PRKD1: variants seen among roughly 807,000 people sequenced by gnomAD.
PRKD1 encodes the protein protein kinase D1, also known as serine/threonine-protein kinase D1.
In PRKD1, 63 loss-of-function variants were observed where a neutral mutation model predicts 95.9. The ratio of observed to expected loss-of-function variants is 0.66; its 90% CI spans 0.54 to 0.81. The LOEUF (loss-of-function observed/expected upper bound fraction) is 0.81, where lower values mean the gene tolerates loss of function less well. Among genes scored for constraint, PRKD1 ranks in the 30% least tolerant of loss-of-function variants. PRKD1 has a pLI of 0.00. For synonymous variants in PRKD1, 425 were observed against 423.1 expected (o/e 1.00, Z -0.05); for missense variants, 1,048 against 1,165.3 (o/e 0.90, Z 1.47).
intron 1 of PRKD1, among the ~76,000 whole-genome samples, chr14:29,737,505 G>T (rs973863535): frequency 6.6e-6 from 1 of 152,068 alleles, no homozygotes; most frequent in African/African-American, 2.4e-5. Flanking sequence ...CATTTTCCAA[G>T]AACTCTTCCT....
intron 4 of PRKD1, chr14:29,656,598 T>G (rs1350130280): frequency 7.5e-7 from 1 of 1,333,278 alleles, no homozygotes; most frequent in Non-Finnish European, 1.0e-6. Context: ...GCAAAGCACA[T>G]TACTCAATAA....
intron 1 of PRKD1, among the ~76,000 whole-genome samples, chr14:29,825,508 G>T (rs1179504897): frequency 2.1e-5 from 3 of 144,352 alleles, no homozygotes; most frequent in Non-Finnish European, 4.7e-5. Context: ...TTTCAGTGGG[G>T]TCGAAGATGT....
chr14:29,818,891 G>C (rs964100166), intron 1 of PRKD1, among the ~76,000 whole-genome samples: 1 of 151,762 alleles, frequency 6.6e-6, no homozygotes, highest in Non-Finnish European at 1.5e-5. Flanking sequence ...AGATATACTA[G>C]ATATAGTAAT....
intron 2 of PRKD1, among the ~76,000 whole-genome samples, chr14:29,721,913 G>A (rs934905367): frequency 6.6e-6 from 1 of 151,812 alleles, no homozygotes. Context: ...TTTTCAAAAA[G>A]AAACGGAGGG....
chr14:29,650,107 G>A (rs536478412), intron 4 of PRKD1, among the ~76,000 whole-genome samples: 2 of 151,998 alleles, frequency 1.3e-5, no homozygotes, highest in African/African-American at 4.8e-5. Context: ...GCCACCTCCG[G>A]TTTTCTTTTC....
At chr14:29,766,476 G>A (rs572059097) in intron 1 of PRKD1, among the ~76,000 whole-genome samples, 5 of 152,222 alleles carry the variant, frequency 3.3e-5, no homozygotes, top group South Asian at 2.1e-4. Flanking sequence ...TGATAACAAC[G>A]TCAACTGTGG....
intron 1 of PRKD1, among the ~76,000 whole-genome samples, chr14:29,819,070 G>A (rs973071238): frequency 2.0e-5 from 3 of 152,086 alleles, no homozygotes; most frequent in Admixed American, 2.0e-4. Context: ...CTGTGTAAAT[G>A]TCTGCATTAA....
intron 1 of PRKD1, among the ~76,000 whole-genome samples, chr14:29,889,902 T>C (rs1893879546): frequency 6.6e-6 from 1 of 152,192 alleles, no homozygotes; most frequent in Non-Finnish European, 1.5e-5. Flanking sequence ...TTTAAAAAAT[T>C]ACTCAAATAT....
intron 1 of PRKD1, among the ~76,000 whole-genome samples, chr14:29,793,433 A>G (rs1379658090): frequency 6.6e-6 from 1 of 152,112 alleles, no homozygotes; most frequent in African/African-American, 2.4e-5. Flanking sequence ...AAAGCCACTA[A>G]CGAGAATTGA....
At chr14:29,927,103 G>A (rs1053275948) in intron 1 of PRKD1, 146 bp downstream of exon 1, 1 of 838,550 alleles carries the variant, frequency 1.2e-6, no homozygotes, top group Non-Finnish European at 1.6e-6. Context: ...GTCCAGCCGC[G>A]GCGGGGCCAG....
intron 1 of PRKD1, among the ~76,000 whole-genome samples, chr14:29,733,610 A>G (rs1383258232): frequency 6.6e-6 from 1 of 152,186 alleles, no homozygotes; most frequent in Non-Finnish European, 1.5e-5. Flanking sequence ...CATCTTCACA[A>G]GGCTGCAGGA....
chr14:29,774,367 T>C (rs1888642342), intron 1 of PRKD1, among the ~76,000 whole-genome samples: 1 of 152,040 alleles, frequency 6.6e-6, no homozygotes, highest in Non-Finnish European at 1.5e-5. Context: ...TTTGCAGTAG[T>C]AGTAGCAAAA....
chr14:29,725,897 A>G (rs1284914379), intron 1 of PRKD1, among the ~76,000 whole-genome samples: 1 of 152,168 alleles, frequency 6.6e-6, no homozygotes, highest in African/African-American at 2.4e-5. Context: ...GTAATGGTCA[A>G]GTGGTTTTCT....
In PRKD1 at chr14:29,725,614, T is replaced by A; in HGVS notation, c.325A>T (p.Thr109Ser). The A allele has an allele frequency of 6.2e-7, 1 of 1,613,596 alleles. No homozygotes were observed. The highest frequency in any genetic ancestry group is 8.5e-7 in the Non-Finnish European group (1 of 1,179,710). ...ACCAGCTGAAGGATGTTTTCAGAGG[T>A]AGGGTCATGGCGAAAAAGCAGGATC... ...DKILLFRHDPTSENILQLVKA... is the reference protein window; with the variant it reads ...DKILLFRHDPSSENILQLVKA... Residue 109 changes from threonine (T) to serine (S), a missense_variant, in exon 2 of 18, where the codon ACC (threonine) becomes TCC (serine). Coordinates refer to ENST00000331968, the MANE Select transcript of PRKD1 (RefSeq NM_002742.3).
intron 1 of PRKD1, among the ~76,000 whole-genome samples, chr14:29,782,543 C>G (rs1470729085): frequency 2.0e-5 from 3 of 151,342 alleles, no homozygotes; most frequent in African/African-American, 7.3e-5. Context: ...TTGTTTTTTG[C>G]TTTTTTGATA....
intron 1 of PRKD1, among the ~76,000 whole-genome samples, chr14:29,829,804 A>G (rs1891333931): frequency 6.6e-6 from 1 of 152,204 alleles, no homozygotes; most frequent in Non-Finnish European, 1.5e-5. Context: ...CACTAAGTTC[A>G]TATTTACTGC....
rs140513380 is a variant in PRKD1 at position 29,914,142 on chromosome 14, C to T, written c.264+13107G>A. Among the ~76,000 whole-genome samples, 1,021 of 152,334 alleles carry T rather than the reference C, an allele frequency of 6.7e-3. 6 individuals carry two copies. The highest frequency in any genetic ancestry group is 0.01 in the Non-Finnish European group (697 of 68,038). Reference sequence around the variant, plus strand: ...AGTCATCTCTCTTTATATATAGACACACTTACATCTACATTTTTGTAAAGT... The same window carrying T: ...AGTCATCTCTCTTTATATATAGACATACTTACATCTACATTTTTGTAAAGT... On this transcript the variant is annotated intron_variant, in intron 1 of 17. Transcript: ENST00000331968.
At chr14:29,624,984 G>A (rs1879525551) in intron 12 of PRKD1, among the ~76,000 whole-genome samples, 1 of 152,060 alleles carries the variant, frequency 6.6e-6, no homozygotes, top group South Asian at 2.1e-4. Context: ...AATTGAATCT[G>A]AAAATAATAA....
intron 1 of PRKD1, among the ~76,000 whole-genome samples, chr14:29,860,217 A>G (rs1892657240): frequency 6.6e-6 from 1 of 152,248 alleles, no homozygotes; most frequent in Non-Finnish European, 1.5e-5. Context: ...AAGCGATTAT[A>G]AAACAGGCAC....
Sources: gnomAD v4.1 joint callset for allele counts (sites outside exome capture counted in the v4.1 genomes callset) on GRCh38, gnomAD v4.1.1 for gene constraint, MANE v1.5 for transcripts, NCBI Gene and HGNC (gene_info 2026-07-23, HGNC 2026-07-21) for gene names.